The following ADCY2 variants were observed in gnomAD, a reference collection of about 807,000 sequenced individuals.
ADCY2 encodes adenylate cyclase 2.
Under a neutral mutation model 125.2 loss-of-function variants are expected in ADCY2, and 31 were observed. That is an observed-to-expected ratio of 0.25 (90% CI 0.19 to 0.33). The LOEUF is 0.33. Among genes scored for constraint, ADCY2 ranks in the 10% least tolerant of loss-of-function variants. The pLI is 1.00. For missense variants in ADCY2, 904 were observed against 1,418.2 expected (o/e 0.64, Z 5.82); for synonymous variants, 512 against 548.4 (o/e 0.93, Z 0.93).
At chr5:7,413,523 C>T (rs1195563347) in intron 1 of ADCY2, among the ~76,000 whole-genome samples, 3 of 151,940 alleles carry the variant, frequency 2.0e-5, no homozygotes, top group South Asian at 2.1e-4. Context: ...TGGTCTCGAT[C>T]TCCTGACCTT....
intron 2 of ADCY2, among the ~76,000 whole-genome samples, chr5:7,443,944 T>G (rs1741121304): frequency 6.6e-6 from 1 of 151,996 alleles, no homozygotes; most frequent in African/African-American, 2.4e-5. Context: ...AAACTTAGAT[T>G]GACTTTTTGG....
At chr5:7,418,946 C>A (rs979832559) in intron 2 of ADCY2, among the ~76,000 whole-genome samples, 8 of 152,136 alleles carry the variant, frequency 5.3e-5, no homozygotes, top group Non-Finnish European at 8.8e-5. Flanking sequence ...AGCCACTGCA[C>A]CCAGCCCTGG....
At chr5:7,727,464 G>A (rs1251400330) in intron 14 of ADCY2, among the ~76,000 whole-genome samples, 1 of 152,058 alleles carries the variant, frequency 6.6e-6, no homozygotes, top group Non-Finnish European at 1.5e-5. Flanking sequence ...TTTCAAAGTG[G>A]ACATGTTGAT....
intron 2 of ADCY2, among the ~76,000 whole-genome samples, chr5:7,508,218 C>CCAATT (rs896541810): frequency 6.6e-6 from 1 of 152,110 alleles, no homozygotes; most frequent in African/African-American, 2.4e-5. Flanking sequence ...AGCATAATTA[C>CCAATT]CAATTTTTAG....
intron 2 of ADCY2, among the ~76,000 whole-genome samples, chr5:7,490,871 G>C (rs998872865): frequency 1.3e-5 from 2 of 152,132 alleles, no homozygotes; most frequent in African/African-American, 2.4e-5. Context: ...CCGTAAGTCA[G>C]GTGTCTGTTA....
chr5:7,498,017 A>G (rs1743400816), intron 2 of ADCY2, among the ~76,000 whole-genome samples: 1 of 152,170 alleles, frequency 6.6e-6, no homozygotes, highest in African/African-American at 2.4e-5. Context: ...GGACACCTTC[A>G]TTTTGTAAAA....
chr5:7,427,573 G>T (rs1740432603), intron 2 of ADCY2, among the ~76,000 whole-genome samples: 1 of 152,144 alleles, frequency 6.6e-6, no homozygotes, highest in Non-Finnish European at 1.5e-5. Context: ...AACACGTAGG[G>T]ATTATGGGAA....
At chr5:7,471,035 T>A (rs1246941009) in intron 2 of ADCY2, among the ~76,000 whole-genome samples, 2 of 151,904 alleles carry the variant, frequency 1.3e-5, no homozygotes, top group Admixed American at 1.3e-4. Flanking sequence ...TTATTAATAA[T>A]ATTCCTCATT....
intron 2 of ADCY2, among the ~76,000 whole-genome samples, chr5:7,507,744 T>TTC (rs998875904): frequency 6.6e-6 from 1 of 152,262 alleles, no homozygotes; most frequent in Admixed American, 6.5e-5. Context: ...AGGTTCTGTG[T>TTC]ATTTTGAACA....
intron 2 of ADCY2, among the ~76,000 whole-genome samples, chr5:7,505,890 A>G (rs999234373): frequency 3.3e-5 from 5 of 152,250 alleles, no homozygotes; most frequent in Admixed American, 1.3e-4. Flanking sequence ...TAATGTTTCA[A>G]AAGAATATGG....
At chr5:7,614,119 G>A (rs1737669997) in intron 3 of ADCY2, among the ~76,000 whole-genome samples, 1 of 152,162 alleles carries the variant, frequency 6.6e-6, no homozygotes. Flanking sequence ...CTAATTCTAA[G>A]TTGACACAAG....
Position 7,396,368 on chromosome 5 carries a change from C to G in ADCY2, c.72C>G (p.Asp24Glu). ...CCGAGGAGGCGGCGGGCGGCGGAGA[C>G]GGGCTGCCGCGGTCCCGGGACTGGC... is the stretch of plus-strand genomic sequence containing the variant. ...DRSEEAAGGG[D>E]GLPRSRDWLY... The change falls in exon 1 of 25, where the codon GAC (aspartate) becomes GAG (glutamate). Residue 24 changes from aspartate to glutamate, a missense_variant. Transcript: ENST00000338316. The surrounding 1 kb of genome is among the most constrained non-coding windows in gnomAD (Gnocchi z 5.7). The G allele has an allele frequency of 6.4e-7, 1 of 1,553,750 alleles. No individual in the cohort carries two copies. The highest frequency in any genetic ancestry group is 8.7e-7 in the Non-Finnish European group (1 of 1,151,296).
intron 4 of ADCY2, among the ~76,000 whole-genome samples, chr5:7,678,667 C>G (rs546395937): frequency 1.3e-3 from 203 of 152,310 alleles, no homozygotes; most frequent in African/African-American, 4.8e-3. Context: ...TGCTGTCACC[C>G]TCAAGGATGT....
intron 4 of ADCY2, among the ~76,000 whole-genome samples, chr5:7,675,010 C>T (rs999987266): frequency 2.0e-5 from 3 of 151,980 alleles, no homozygotes; most frequent in Admixed American, 1.3e-4. Context: ...AAAAAATTAG[C>T]TGGGCGTGGT....
At chr5:7,785,522 TG>T (rs1229776412) in intron 19 of ADCY2, among the ~76,000 whole-genome samples, 1 of 151,952 alleles carries the variant, frequency 6.6e-6, no homozygotes, top group African/African-American at 2.4e-5. Flanking sequence ...TTCTTTGGCT[TG>T]CAGTTTTGAC....
At position 7,671,298 on chromosome 5, in the gene ADCY2, G is replaced by A. The variant is rs187214325; in HGVS notation, c.721-19393G>A. Among the ~76,000 whole-genome samples the A allele has an allele frequency of 5.9e-5, 9 of 152,268 alleles. No individual in the cohort carries two copies. In the East Asian group the frequency reaches 1.7e-3, roughly 29 times the overall value. On this transcript the variant is annotated intron_variant, in intron 4 of 24. Coordinates refer to ENST00000338316, the MANE Select transcript of ADCY2 (RefSeq NM_020546.3). ...GTTAAGGTATTTCCCAACTTTTTCA[G>A]CTGGTTATTTGGGGCATTTCACTAC...
At chr5:7,716,698 C>T (rs1333337441) in intron 11 of ADCY2, among the ~76,000 whole-genome samples, 1 of 152,162 alleles carries the variant, frequency 6.6e-6, no homozygotes. Flanking sequence ...AATAGGCTTA[C>T]TGACACAGAA....
intron 1 of ADCY2, among the ~76,000 whole-genome samples, chr5:7,409,764 G>A (rs908546710): frequency 9.9e-5 from 15 of 152,092 alleles, no homozygotes; most frequent in African/African-American, 3.6e-4. Context: ...ATAGCAAGAT[G>A]GGGAGCTGAA....
intron 3 of ADCY2, among the ~76,000 whole-genome samples, chr5:7,580,344 A>G (rs1736390069): frequency 6.6e-6 from 1 of 152,204 alleles, no homozygotes; most frequent in African/African-American, 2.4e-5. Flanking sequence ...AAGGAAGCAA[A>G]AGAAAGTACA....
Sources: allele counts gnomAD v4.1 joint callset (sites outside exome capture counted in the v4.1 genomes callset), GRCh38; gene constraint gnomAD v4.1.1; non-coding constraint Gnocchi (gnomAD v3.1); transcripts MANE v1.5; gene names NCBI Gene and HGNC (gene_info 2026-07-23, HGNC 2026-07-21).